SLC24A2: variants seen among roughly 807,000 people sequenced by gnomAD.
SLC24A2 encodes solute carrier family 24 member 2.
Under a neutral mutation model 62.0 loss-of-function variants are expected in SLC24A2, and 36 were observed. The ratio of observed to expected loss-of-function variants is 0.58; its 90% CI spans 0.44 to 0.77. SLC24A2 has a LOEUF of 0.77. Ranked by LOEUF, SLC24A2 falls within the 30% of genes least tolerant of loss-of-function variation. SLC24A2 has a pLI of 0.00. For missense variants in SLC24A2, 846 were observed against 817.9 expected (o/e 1.03, Z -0.42); for synonymous variants, 358 against 294.0 (o/e 1.22, Z -2.23).
chr9:20,219,391 A>G, the SLC24A2 span, among the ~76,000 whole-genome samples: 1 of 152,174 alleles, frequency 6.6e-6, no homozygotes. Flanking sequence ...GAAAGCAAAG[A>G]GTGAGACCTT....
At chr9:19,790,963 G>A (rs751852866), upstream of SLC24A2, among the ~76,000 whole-genome samples, 24 of 152,290 alleles carry the variant, frequency 1.6e-4, no homozygotes, top group South Asian at 6.2e-4. Context: ...GTGAGAAGAG[G>A]AATGAGATCC....
chr9:20,131,264 A>G, the SLC24A2 span, among the ~76,000 whole-genome samples: 2 of 152,098 alleles, frequency 1.3e-5, no homozygotes, highest in Non-Finnish European at 2.9e-5. Context: ...CCCATTGTCA[A>G]TGTAAGCCCA....
chr9:19,550,081 C>T (rs1328898954), intron 8 of SLC24A2, 56 bp downstream of exon 8: 5 of 1,573,338 alleles, frequency 3.2e-6, no homozygotes, highest in Non-Finnish European at 4.4e-6. Context: ...AGACTATGCA[C>T]CCTGTTATGT....
chr9:19,749,337 T>C (rs1821919884), intron 2 of SLC24A2, among the ~76,000 whole-genome samples: 1 of 152,076 alleles, frequency 6.6e-6, no homozygotes, highest in Non-Finnish European at 1.5e-5. Flanking sequence ...TTTTTATATT[T>C]GGTTGGATGT....
the SLC24A2 span, among the ~76,000 whole-genome samples, chr9:19,817,263 G>C: frequency 6.6e-6 from 1 of 151,676 alleles, no homozygotes; most frequent in Non-Finnish European, 1.5e-5. Context: ...CAACTATAGG[G>C]AGTTATGCCT....
chr9:20,057,326 G>C, the SLC24A2 span, among the ~76,000 whole-genome samples: 1 of 152,134 alleles, frequency 6.6e-6, no homozygotes, highest in Admixed American at 6.5e-5. Flanking sequence ...ACCTGGCCAA[G>C]TATTTTGTTT....
chr9:19,739,524 T>G lies in SLC24A2; in HGVS notation c.930+46413A>C, dbSNP rs377496756. ...CAGAAACAAACTCATACTTATACCA[T>G]CACCTGATTTATGACAAAGGTGAAA... is the stretch of plus-strand genomic sequence containing the variant. On this transcript the variant is annotated intron_variant, in intron 2 of 10. Coordinates refer to ENST00000341998, the MANE Select transcript of SLC24A2 (RefSeq NM_020344.4). 3.0e-4 allele frequency among the ~76,000 whole-genome samples: 46 copies of G among 152,284 alleles called. No individual in the cohort carries two copies. In the South Asian group the frequency reaches 8.9e-3, roughly 29 times the overall value.
At chr9:19,834,866 C>A in the SLC24A2 span, among the ~76,000 whole-genome samples, 4 of 152,206 alleles carry the variant, frequency 2.6e-5, no homozygotes. Context: ...ATCAGACTAA[C>A]AGCGGATCTC....
the SLC24A2 span, among the ~76,000 whole-genome samples, chr9:19,969,412 A>T: frequency 2.0e-5 from 3 of 152,188 alleles, no homozygotes; most frequent in African/African-American, 7.2e-5. Context: ...TATCTCTCTG[A>T]AAGTCTGAGT....
At chr9:20,240,117 C>T in the SLC24A2 span, among the ~76,000 whole-genome samples, 21 of 152,188 alleles carry the variant, frequency 1.4e-4, no homozygotes, top group Non-Finnish European at 5.9e-5. Flanking sequence ...TCACATGTCT[C>T]TGGGGCCTGG....
At chr9:20,161,995 A>G in the SLC24A2 span, among the ~76,000 whole-genome samples, 1 of 151,790 alleles carries the variant, frequency 6.6e-6, no homozygotes, top group South Asian at 2.1e-4. Context: ...AACTCTGTCT[A>G]TATGCAGATG....
the SLC24A2 span, among the ~76,000 whole-genome samples, chr9:19,902,684 C>T: frequency 6.6e-6 from 1 of 152,054 alleles, no homozygotes; most frequent in Non-Finnish European, 1.5e-5. Flanking sequence ...ACTTTTACTA[C>T]CAGTATCACA....
chr9:19,551,124 C>G (rs1367271508), intron 7 of SLC24A2, among the ~76,000 whole-genome samples: 1 of 152,224 alleles, frequency 6.6e-6, no homozygotes, highest in African/African-American at 2.4e-5. Flanking sequence ...CTTCATTTCT[C>G]CCTGTCACCC....
the SLC24A2 span, among the ~76,000 whole-genome samples, chr9:20,072,044 T>G: frequency 4.6e-5 from 7 of 152,134 alleles, no homozygotes; most frequent in African/African-American, 1.7e-4. Context: ...GCCACCCTCC[T>G]GGCAGGTGGA....
At chr9:20,286,084 T>C in the SLC24A2 span, among the ~76,000 whole-genome samples, 79,264 of 152,036 alleles carry the variant, frequency 0.52, 21,585 homozygotes, top group African/African-American at 0.7. Flanking sequence ...CTGTTGCAAA[T>C]CATCATATAT....
At chr9:20,225,316 C>A in the SLC24A2 span, among the ~76,000 whole-genome samples, 4 of 151,424 alleles carry the variant, frequency 2.6e-5, no homozygotes, top group East Asian at 6.0e-4. Flanking sequence ...AATTCGGCAA[C>A]AGTCTAAATG....
the SLC24A2 span, among the ~76,000 whole-genome samples, chr9:20,215,319 A>T: frequency 2.0e-5 from 3 of 152,242 alleles, no homozygotes; most frequent in African/African-American, 2.4e-5. Flanking sequence ...ATTTCAACGT[A>T]TGAATTTTGT....
chr9:19,852,131 T>C, the SLC24A2 span, among the ~76,000 whole-genome samples: 1 of 152,262 alleles, frequency 6.6e-6, no homozygotes, highest in Non-Finnish European at 1.5e-5. Flanking sequence ...ATGTCTTCTT[T>C]TGAGAAGTGT....
At chr9:19,858,152 C>G in the SLC24A2 span, among the ~76,000 whole-genome samples, 1 of 152,140 alleles carries the variant, frequency 6.6e-6, no homozygotes, top group Admixed American at 6.5e-5. Context: ...GGTACAAAAA[C>G]AGACACGTAG....
Sources: gnomAD v4.1 joint callset for allele counts (sites outside exome capture counted in the v4.1 genomes callset) on GRCh38, gnomAD v4.1.1 for gene constraint, MANE v1.5 for transcripts, NCBI Gene and HGNC (gene_info 2026-07-23, HGNC 2026-07-21) for gene names.